Variants in RAB31 observed in about 807,000 individuals in gnomAD.
RAB31 encodes the protein RAB31, member RAS oncogene family, also known as ras-related protein Rab-31.
A neutral mutation model predicts 25.6 loss-of-function variants in RAB31; 21 were observed. The ratio of observed to expected loss-of-function variants is 0.82; its 90% confidence interval spans 0.58 to 1.18. The LOEUF (loss-of-function observed/expected upper bound fraction) is 1.18. RAB31 is among the 50% of genes most tolerant of loss of function. RAB31 has a pLI of 0.00. For synonymous variants in RAB31, 87 were observed against 84.0 expected (o/e 1.04, Z -0.20); for missense variants, 196 against 250.1 (o/e 0.78, Z 1.46).
intron 1 of RAB31, among the ~76,000 whole-genome samples, chr18:9,765,145 G>A (rs1022224342): frequency 1.3e-5 from 2 of 152,126 alleles, no homozygotes; most frequent in Non-Finnish European, 2.9e-5. Context: ...TAGAGACAGG[G>A]TTTTGCCATG....
At chr18:9,805,870 C>T (rs750714532) in intron 3 of RAB31, among the ~76,000 whole-genome samples, 10 of 152,156 alleles carry the variant, frequency 6.6e-5, no homozygotes, top group Non-Finnish European at 8.8e-5. Flanking sequence ...AAAGTCTTTT[C>T]CACCATTTAA....
intron 5 of RAB31, among the ~76,000 whole-genome samples, chr18:9,820,184 C>T (rs1428013808): frequency 1.3e-5 from 2 of 152,032 alleles, no homozygotes; most frequent in Non-Finnish European, 2.9e-5. Context: ...ACTGGTTTTA[C>T]ATATATGTTT....
rs180699880 is a variant in RAB31, at chr18:9,795,118, C to T, written c.201+2883C>T. On this transcript the variant is annotated intron_variant, in intron 3 of 6. Coordinates refer to ENST00000578921, the MANE Select transcript of RAB31 (RefSeq NM_006868.4). ...TACAGTCAACTGATCTTTGACAAAACAAACAAAAACATAAAGTGGGAAATG... is the reference window on the plus strand; with the variant it reads ...TACAGTCAACTGATCTTTGACAAAATAAACAAAAACATAAAGTGGGAAATG... Among the ~76,000 whole-genome samples, 12 of 152,222 alleles carry T rather than the reference C, an allele frequency of 7.9e-5. No homozygotes were observed. In the East Asian group the frequency reaches 2.3e-3, roughly 29 times the overall value.
intron 3 of RAB31, among the ~76,000 whole-genome samples, chr18:9,794,084 G>T (rs1175656757): frequency 6.6e-6 from 1 of 152,038 alleles, no homozygotes; most frequent in Non-Finnish European, 1.5e-5. Context: ...TTGTAGAGAC[G>T]AGGTCTTGCT....
chr18:9,829,434 G>A (rs2068666492), intron 5 of RAB31, among the ~76,000 whole-genome samples: 1 of 152,216 alleles, frequency 6.6e-6, no homozygotes, highest in Non-Finnish European at 1.5e-5. Flanking sequence ...TTTTATGAGT[G>A]GAACACAGTT....
At chr18:9,814,666 G>A (rs932815096) in intron 4 of RAB31, 6 of 159,694 alleles carry the variant, frequency 3.8e-5, no homozygotes, top group Non-Finnish European at 6.9e-5. Context: ...TACTTTCCAC[G>A]AGTTCCTGAC....
chr18:9,775,790 C>CT (rs146777746), intron 2 of RAB31, among the ~76,000 whole-genome samples: 3,142 of 151,546 alleles, frequency 0.021, 113 homozygotes, highest in African/African-American at 0.071. Flanking sequence ...CTGGAATTAT[C>CT]TTTTTTTTTA....
chr18:9,848,192 A>G (rs2068770886), intron 6 of RAB31, among the ~76,000 whole-genome samples: 1 of 152,078 alleles, frequency 6.6e-6, no homozygotes, highest in Non-Finnish European at 1.5e-5. Flanking sequence ...CTGTCTGGCT[A>G]TCCATCTGTC....
rs2067998650 is a variant in RAB31, at chr18:9,708,601, G to T, written c.39+157G>T. On this transcript the variant is annotated intron_variant, in intron 1 of 6. Coordinates refer to ENST00000578921, the MANE Select transcript of RAB31 (RefSeq NM_006868.4). The surrounding 1 kb of genome is among the most constrained non-coding windows in gnomAD (Gnocchi z 6.4). ...TCGTCCGCGCGCCCCCTGGTTCCCC[G>T]GGTCCCCCTGGCTCCCCTAGTCCGT... 6.8e-6 allele frequency among the ~76,000 whole-genome samples: 1 copy of T among 146,100 alleles called. No individual in the cohort carries two copies. Among genetic ancestry groups the T allele is most frequent in the Non-Finnish European group, 1.5e-5 (1 of 66,072 alleles).
At chr18:9,808,309 A>G (rs2068552748) in intron 3 of RAB31, among the ~76,000 whole-genome samples, 1 of 152,234 alleles carries the variant, frequency 6.6e-6, no homozygotes, top group African/African-American at 2.4e-5. Context: ...ATAATTCAGA[A>G]ACAGCAAAGC....
intron 1 of RAB31, among the ~76,000 whole-genome samples, chr18:9,730,223 G>A (rs1051192744): frequency 7.9e-5 from 12 of 151,856 alleles, no homozygotes; most frequent in African/African-American, 2.9e-4. Flanking sequence ...AAAACTTAAT[G>A]GGCAAATTTA....
chr18:9,800,992 C>T lies in RAB31; in HGVS notation c.201+8757C>T, dbSNP rs180720028. ...CCAGTTCCCCCTCTACATCCCCCAGCCCTGGGATACTTTCTGTCTCTAGAT... is the reference window on the plus strand; with the variant it reads ...CCAGTTCCCCCTCTACATCCCCCAGTCCTGGGATACTTTCTGTCTCTAGAT... On this transcript the variant is annotated intron_variant, in intron 3 of 6. Coordinates refer to ENST00000578921, the MANE Select transcript of RAB31 (RefSeq NM_006868.4). Among the ~76,000 whole-genome samples the T allele has an allele frequency of 2.8e-3, 431 of 152,264 alleles. 2 individuals are homozygous for T. The highest frequency in any genetic ancestry group is 9.8e-3 in the African/African-American group (407 of 41,546).
intron 5 of RAB31, among the ~76,000 whole-genome samples, chr18:9,819,933 T>C (rs1011565207): frequency 6.6e-6 from 1 of 152,230 alleles, no homozygotes; most frequent in East Asian, 1.9e-4. Flanking sequence ...CCTGAACTCA[T>C]TTATTAATTT....
At chr18:9,748,563 T>C (rs1024046007) in intron 1 of RAB31, among the ~76,000 whole-genome samples, 4 of 150,230 alleles carry the variant, frequency 2.7e-5, no homozygotes, top group Non-Finnish European at 5.9e-5. Context: ...ATTTGTATCC[T>C]AATTCCTCTA....
intron 1 of RAB31, among the ~76,000 whole-genome samples, chr18:9,748,604 A>G (rs1191198318): frequency 2.0e-5 from 3 of 151,556 alleles, no homozygotes. Flanking sequence ...ATTTAAAAAT[A>G]TAAGGGGACC....
chr18:9,757,247 T>C (rs1023010411), intron 1 of RAB31, among the ~76,000 whole-genome samples: 4 of 152,126 alleles, frequency 2.6e-5, no homozygotes, highest in African/African-American at 9.7e-5. Context: ...GCATGGTGGA[T>C]GGTTGTGGCT....
intron 2 of RAB31, among the ~76,000 whole-genome samples, chr18:9,777,160 G>A (rs997302752): frequency 2.3e-5 from 2 of 86,538 alleles, no homozygotes; most frequent in African/African-American, 4.7e-5. Context: ...TGGCCAACAC[G>A]GTGAAACCCC....
chr18:9,739,270 C>T (rs901511171), intron 1 of RAB31, among the ~76,000 whole-genome samples: 3 of 152,092 alleles, frequency 2.0e-5, no homozygotes, highest in African/African-American at 7.2e-5. Flanking sequence ...GTCAGGAGAT[C>T]GAGACCATCC....
At chr18:9,833,976 A>G (rs939044344) in intron 5 of RAB31, among the ~76,000 whole-genome samples, 1 of 152,216 alleles carries the variant, frequency 6.6e-6, no homozygotes, top group African/African-American at 2.4e-5. Flanking sequence ...TATGAGACAG[A>G]TGGGATACTG....
Sources: allele counts gnomAD v4.1 joint callset (sites outside exome capture counted in the v4.1 genomes callset), GRCh38; gene constraint gnomAD v4.1.1; non-coding constraint Gnocchi (gnomAD v3.1); transcripts MANE v1.5; gene names NCBI Gene and HGNC (gene_info 2026-07-23, HGNC 2026-07-21).